The following SPECC1L variants were observed in gnomAD, a reference collection of about 807,000 sequenced individuals.
The protein encoded by SPECC1L is cytospin-A.
A neutral mutation model predicts 116.8 loss-of-function variants in SPECC1L; 40 were observed. The ratio of observed to expected loss-of-function variants is 0.34; its 90% confidence interval spans 0.27 to 0.45. The LOEUF is 0.45. Ranked by LOEUF, SPECC1L falls within the 20% of genes least tolerant of loss-of-function variation. SPECC1L has a pLI of 1.00. For synonymous variants in SPECC1L, 504 were observed against 500.6 expected (o/e 1.01, Z -0.09); for missense variants, 1,110 against 1,373.6 (o/e 0.81, Z 3.03).
At chr22:24,319,920 G>C (rs1376075995) in intron 4 of SPECC1L, among the ~76,000 whole-genome samples, 1 of 151,786 alleles carries the variant, frequency 6.6e-6, no homozygotes, top group East Asian at 1.9e-4. Flanking sequence ...TATTTCTTAA[G>C]TATTTACAGG....
intron 4 of SPECC1L, among the ~76,000 whole-genome samples, chr22:24,314,969 A>G (rs2040532544): frequency 6.6e-6 from 1 of 152,260 alleles, no homozygotes; most frequent in African/African-American, 2.4e-5. Flanking sequence ...TGGAGTTGAT[A>G]AATTATCCTA....
chr22:24,347,215 A>G (rs201602808), intron 11 of SPECC1L, 39 bp downstream of exon 11: 36 of 1,520,814 alleles, frequency 2.4e-5, no homozygotes, highest in East Asian at 1.4e-4. Context: ...CTTTTTTTCA[A>G]TTTTTGAATT....
chr22:24,328,919 G>A lies in SPECC1L; in HGVS notation c.2220G>A (p.Arg740=). Residue 740 remains arginine (R), a splice_region_variant and synonymous_variant, in exon 7 of 17, where the codon CGG becomes CGA. Coordinates refer to ENST00000314328, the MANE Select transcript of SPECC1L (RefSeq NM_015330.6). ...TAAAGACACTCCACAGAAGACTTCG[G>A]GTAGGATAAATCTTCATGTATTGTC... ...REIKTLHRRL[R]EESAEWRQFQ... 1 of 1,610,686 alleles carries A rather than the reference G, an allele frequency of 6.2e-7. No individual in the cohort carries two copies. The highest frequency in any genetic ancestry group is 8.5e-7 in the Non-Finnish European group (1 of 1,177,026).
At chr22:24,346,251 C>G (rs2041293032) in intron 10 of SPECC1L, among the ~76,000 whole-genome samples, 1 of 152,114 alleles carries the variant, frequency 6.6e-6, no homozygotes, top group Admixed American at 6.5e-5. Context: ...CATGATCCGC[C>G]CACCTCAGCC....
chr22:24,371,672 G>T (rs139484887), intron 14 of SPECC1L, among the ~76,000 whole-genome samples: 173 of 152,286 alleles, frequency 1.1e-3, no homozygotes, highest in African/African-American at 3.9e-3. Flanking sequence ...CAAAATTTAT[G>T]GGAGGCAGCG....
At chr22:24,349,914 T>C (rs1179467238) in intron 11 of SPECC1L, among the ~76,000 whole-genome samples, 1 of 152,158 alleles carries the variant, frequency 6.6e-6, no homozygotes, top group East Asian at 1.9e-4. Flanking sequence ...AACCTGCTAC[T>C]CTAGTCAAAC....
intron 6 of SPECC1L, among the ~76,000 whole-genome samples, chr22:24,327,330 A>G (rs1489736945): frequency 2.0e-5 from 3 of 151,812 alleles, no homozygotes; most frequent in Non-Finnish European, 4.4e-5. Context: ...ACCAACATCA[A>G]ATGTAAAGCA....
chr22:24,402,761 G>A (rs760379934), intron 14 of SPECC1L, among the ~76,000 whole-genome samples: 1 of 152,154 alleles, frequency 6.6e-6, no homozygotes, highest in Non-Finnish European at 1.5e-5. Context: ...CCATAAAAGT[G>A]GCATTTCCTT....
chr22:24,392,011 A>G (rs1175307259), intron 14 of SPECC1L, among the ~76,000 whole-genome samples: 3 of 152,194 alleles, frequency 2.0e-5, no homozygotes, highest in Non-Finnish European at 4.4e-5. Context: ...AGTTAGAGGA[A>G]GTCAGACTTG....
Position 24,399,570 on chromosome 22 carries a change from CA to C in SPECC1L, c.3088-12010del, listed in dbSNP as rs947952217. On this transcript the variant is annotated intron_variant, in intron 14 of 16. Coordinates refer to ENST00000314328, the MANE Select transcript of SPECC1L (RefSeq NM_015330.6). ...TGGGCGACAAAGCGAGACTCCATTT[CA>C]AAAAAAACAAAAAAAAAAGTTAAAG... 2.7e-5 allele frequency among the ~76,000 whole-genome samples: 4 copies of C among 149,312 alleles called. No homozygotes were observed. The East Asian group carries it at 5.8e-4, about 22-fold the overall frequency.
At chr22:24,347,886 T>C (rs1050074139) in intron 11 of SPECC1L, among the ~76,000 whole-genome samples, 10 of 152,040 alleles carry the variant, frequency 6.6e-5, no homozygotes, top group Admixed American at 6.6e-4. Context: ...ATGTTAGCCA[T>C]ACTGGTCTCA....
chr22:24,293,231 G>A (rs1189275701), intron 2 of SPECC1L, among the ~76,000 whole-genome samples: 2 of 151,912 alleles, frequency 1.3e-5, no homozygotes, highest in African/African-American at 2.4e-5. Context: ...CGAGGCAGTC[G>A]AATCATGAGG....
chr22:24,321,260 C>A (rs1420555720), intron 4 of SPECC1L, 28 bp from the exon 5 acceptor site: 1 of 1,611,338 alleles, frequency 6.2e-7, no homozygotes, highest in Non-Finnish European at 8.5e-7. Context: ...GACATTTTTG[C>A]CTTACATTTT....
chr22:24,295,923 G>A (rs1372413304), intron 2 of SPECC1L, among the ~76,000 whole-genome samples: 4 of 152,164 alleles, frequency 2.6e-5, no homozygotes, highest in Admixed American at 2.6e-4. Context: ...ACTCCAGACT[G>A]GGGGAGAAGA....
chr22:24,359,950 T>C (rs1293904362), intron 11 of SPECC1L, among the ~76,000 whole-genome samples: 1 of 152,230 alleles, frequency 6.6e-6, no homozygotes, highest in Non-Finnish European at 1.5e-5. Context: ...GTAATGACTT[T>C]TTGAATGCTT....
At chr22:24,326,047 G>A (rs541746146) in intron 6 of SPECC1L, among the ~76,000 whole-genome samples, 3 of 152,036 alleles carry the variant, frequency 2.0e-5, no homozygotes, top group Non-Finnish European at 4.4e-5. Context: ...TCTGCCCCCC[G>A]GGTTCAAGCG....
At position 24,305,781 on chromosome 22, in the gene SPECC1L, T is replaced by C. The variant is rs138162370; in HGVS notation, c.153+3397T>C. On this transcript the variant is annotated intron_variant, in intron 3 of 16. Transcript: ENST00000314328. ...ATCATTTCTCAAGGTGGTTACCAGTTTACACTCCTGGTTACTTCACATTTT... is the reference window on the plus strand; with the variant it reads ...ATCATTTCTCAAGGTGGTTACCAGTCTACACTCCTGGTTACTTCACATTTT... Among the ~76,000 whole-genome samples, 60 of 152,332 alleles carry C rather than the reference T, an allele frequency of 3.9e-4. 2 individuals are homozygous for C. In the East Asian group the frequency reaches 0.011, roughly 29 times the overall value.
At chr22:24,412,519 A>G (rs2042718921) in intron 15 of SPECC1L, 129 bp from the exon 16 acceptor site, 2 of 833,464 alleles carry the variant, frequency 2.4e-6, no homozygotes, top group East Asian at 5.2e-5. Context: ...CTCCCAGCAT[A>G]GGTTTGTTGT....
intron 15 of SPECC1L, 95 bp downstream of exon 15, chr22:24,411,799 A>G: frequency 9.6e-7 from 1 of 1,046,922 alleles, no homozygotes; most frequent in South Asian, 1.3e-5. Context: ...CACATGCCAC[A>G]GCGCTGGCTT....
Sources: gnomAD v4.1 joint callset for allele counts (sites outside exome capture counted in the v4.1 genomes callset) on GRCh38, gnomAD v4.1.1 for gene constraint, MANE v1.5 for transcripts, NCBI Gene and HGNC (gene_info 2026-07-23, HGNC 2026-07-21) for gene names.